The following ADAMTS19 variants were observed in gnomAD, a reference collection of about 807,000 sequenced individuals.
The protein encoded by ADAMTS19 is ADAM metallopeptidase with thrombospondin type 1 motif 19, also known as A disintegrin and metalloproteinase with thrombospondin motifs 19.
Under a neutral mutation model 153.3 loss-of-function variants are expected in ADAMTS19, and 93 were observed. The observed-to-expected ratio is 0.61, with a 90% CI of 0.51 to 0.72. ADAMTS19 has a LOEUF of 0.72. ADAMTS19 is among the 30% of genes least tolerant of loss of function. The probability of loss-of-function intolerance (pLI) is 0.00; values close to 1 mark genes in which losing one functional copy is unlikely to be tolerated. For synonymous variants in ADAMTS19, 600 were observed against 556.6 expected, an observed-to-expected ratio of 1.08 and a Z score of -1.10; for missense variants, 1,482 against 1,552.1, an observed-to-expected ratio of 0.95 and a Z score of 0.76.
At chr5:129,476,280 C>G (rs1015896055) in intron 2 of ADAMTS19, among the ~76,000 whole-genome samples, 5 of 152,080 alleles carry the variant, frequency 3.3e-5, no homozygotes, top group African/African-American at 1.2e-4. Flanking sequence ...TTTATGAGAA[C>G]AAGTAATCTA....
At position 129,461,079 on chromosome 5, in the gene ADAMTS19, A is replaced by G; in HGVS notation, c.92-23A>G. On this transcript the variant is annotated intron_variant, in intron 1 of 22. Transcript: ENST00000274487. The surrounding 1 kb of genome is among the most constrained non-coding windows in gnomAD (Gnocchi z 4.6). ...GGAACCGCGGCACTTTAAGCCCCGCACTTCTGTCTGCCCCGCCCGCAGAGC... is the reference window on the plus strand; with the variant it reads ...GGAACCGCGGCACTTTAAGCCCCGCGCTTCTGTCTGCCCCGCCCGCAGAGC... The G allele has an allele frequency of 7.3e-7, 1 of 1,365,972 alleles. No homozygotes were observed. The highest frequency in any genetic ancestry group is 1.8e-5 in the South Asian group (1 of 56,714). The allele number at this position is 1,365,972 out of a possible 1,614,324, so 84.6% of individuals were successfully genotyped here. A position where few individuals can be genotyped will look rare whatever the true frequency, so the allele number is the denominator to read the frequency against.
chr5:129,503,833 A>T (rs1751184222), intron 2 of ADAMTS19, among the ~76,000 whole-genome samples: 1 of 152,146 alleles, frequency 6.6e-6, no homozygotes, highest in Admixed American at 6.6e-5. Context: ...ATCTCAAAAA[A>T]AAAAGAACCT....
At chr5:129,701,874 T>C (rs1231969259) in intron 20 of ADAMTS19, among the ~76,000 whole-genome samples, 2 of 152,204 alleles carry the variant, frequency 1.3e-5, no homozygotes, top group African/African-American at 4.8e-5. Flanking sequence ...TACTCTTGAG[T>C]TGGCACACAT....
At chr5:129,562,646 G>A (rs1753564223) in intron 7 of ADAMTS19, among the ~76,000 whole-genome samples, 1 of 152,172 alleles carries the variant, frequency 6.6e-6, no homozygotes, top group South Asian at 2.1e-4. Context: ...GTGCGTGTGT[G>A]TGTGTGTACA....
At chr5:129,667,585 G>A (rs2127087520) in intron 16 of ADAMTS19, among the ~76,000 whole-genome samples, 1 of 151,946 alleles carries the variant, frequency 6.6e-6, no homozygotes, top group East Asian at 1.9e-4. Context: ...AAAGTATGTG[G>A]TATGTACCCC....
At chr5:129,611,762 G>A (rs566316212) in intron 8 of ADAMTS19, among the ~76,000 whole-genome samples, 12 of 151,870 alleles carry the variant, frequency 7.9e-5, no homozygotes, top group South Asian at 2.1e-4. Context: ...GATACTCCTC[G>A]AGAAGAACAA....
At chr5:129,671,854 T>C (rs1384978013) in intron 16 of ADAMTS19, among the ~76,000 whole-genome samples, 3 of 152,178 alleles carry the variant, frequency 2.0e-5, no homozygotes, top group Non-Finnish European at 4.4e-5. Flanking sequence ...CATATGGGTC[T>C]ACTTACCTTC....
At chr5:129,543,205 A>G (rs2126803352) in intron 6 of ADAMTS19, among the ~76,000 whole-genome samples, 1 of 151,798 alleles carries the variant, frequency 6.6e-6, no homozygotes, top group East Asian at 1.9e-4. Flanking sequence ...ATGTGCCACC[A>G]CACCTGGCTA....
Position 129,622,241 on chromosome 5 carries a change from G to A in ADAMTS19, c.1663G>A (p.Val555Ile), listed in dbSNP as rs150344196. Residue 555 changes from valine (V) to isoleucine (I), a missense_variant, in exon 10 of 23, where the codon GTC becomes ATC. By Grantham distance (29) the Val-to-Ile change is conservative. Coordinates refer to ENST00000274487, the MANE Select transcript of ADAMTS19 (RefSeq NM_133638.6). ...CTTGCTACAAACAAATCCGCAGAGT[G>A]TCAATTCTGTGATGGTTCCCTCCAA... ...NCLLQTNPQS[V>I]NSVMVPSKLP... The A allele has an allele frequency of 3.9e-4, 622 of 1,613,984 alleles. No individual in the cohort carries two copies. The highest frequency in any genetic ancestry group is 5.1e-4 in the Non-Finnish European group (602 of 1,180,008).
intron 2 of ADAMTS19, among the ~76,000 whole-genome samples, chr5:129,467,784 G>A (rs918871856): frequency 4.6e-5 from 7 of 152,184 alleles, no homozygotes; most frequent in African/African-American, 1.7e-4. Context: ...CTCCAAAAAG[G>A]TATGCAATGA....
chr5:129,641,200 CAG>C (rs999093467), intron 10 of ADAMTS19, among the ~76,000 whole-genome samples: 10 of 152,184 alleles, frequency 6.6e-5, no homozygotes, highest in Non-Finnish European at 1.0e-4. Flanking sequence ...TACATTTCCT[CAG>C]AGTTATCTTT....
At chr5:129,608,084 A>ATGTGTGTG (rs1315224170) in intron 8 of ADAMTS19, among the ~76,000 whole-genome samples, 3 of 18,568 alleles carry the variant, frequency 1.6e-4, no homozygotes, top group Non-Finnish European at 5.1e-4. Context: ...TTGGAATTTT[A>ATGTGTGTG]TATATATGTG....
At chr5:129,611,072 T>C in intron 8 of ADAMTS19, among the ~76,000 whole-genome samples, 1 of 152,200 alleles carries the variant, frequency 6.6e-6, no homozygotes, top group Non-Finnish European at 1.5e-5. Flanking sequence ...GTCTGTTGGC[T>C]GCATAAATGT....
At chr5:129,683,994 C>A in intron 17 of ADAMTS19, 126 bp from the exon 18 acceptor site, 1 of 981,560 alleles carries the variant, frequency 1.0e-6, no homozygotes, top group Non-Finnish European at 1.5e-6. Context: ...TCCACAACAG[C>A]AACAACAACA....
chr5:129,505,725 G>T (rs1352522908), intron 2 of ADAMTS19, among the ~76,000 whole-genome samples: 1 of 151,970 alleles, frequency 6.6e-6, no homozygotes, highest in African/African-American at 2.4e-5. Context: ...ACTAAATTGA[G>T]AAATCAAATA....
intron 6 of ADAMTS19, among the ~76,000 whole-genome samples, chr5:129,548,919 C>T (rs574145331): frequency 2.7e-5 from 4 of 149,598 alleles, no homozygotes; most frequent in South Asian, 2.1e-4. Context: ...AGCAAACTAT[C>T]GCAAGGACAA....
At chr5:129,677,617 G>A (rs567395586) in intron 16 of ADAMTS19, among the ~76,000 whole-genome samples, 1 of 152,164 alleles carries the variant, frequency 6.6e-6, no homozygotes, top group East Asian at 1.9e-4. Context: ...CTTCCCAGGG[G>A]AACCAATTCA....
intron 16 of ADAMTS19, among the ~76,000 whole-genome samples, chr5:129,670,924 A>G (rs1443739386): frequency 6.6e-6 from 1 of 152,172 alleles, no homozygotes; most frequent in Non-Finnish European, 1.5e-5. Flanking sequence ...CGTCTCAGTT[A>G]GTTACCGTAA....
intron 18 of ADAMTS19, among the ~76,000 whole-genome samples, chr5:129,684,860 G>A (rs929534183): frequency 1.2e-4 from 18 of 152,126 alleles, no homozygotes; most frequent in East Asian, 1.9e-4. Flanking sequence ...GGTGGCGGGC[G>A]CCTGTAGTCC....
Sources: allele counts gnomAD v4.1 joint callset (sites outside exome capture counted in the v4.1 genomes callset), GRCh38; gene constraint gnomAD v4.1.1; non-coding constraint Gnocchi (gnomAD v3.1); transcripts MANE v1.5; gene names NCBI Gene and HGNC (gene_info 2026-07-23, HGNC 2026-07-21).